LRRC7: variants seen among roughly 807,000 people sequenced by gnomAD.
LRRC7 encodes the protein leucine rich repeat containing 7.
Under a neutral mutation model 175.7 loss-of-function variants are expected in LRRC7, and 23 were observed. The observed-to-expected ratio is 0.13, with a 90% CI of 0.09 to 0.19. The LOEUF is 0.19. Among genes scored for constraint, LRRC7 ranks in the 10% least tolerant of loss-of-function variants. The pLI is 1.00. For missense variants in LRRC7, 1,354 were observed against 1,904.7 expected, an observed-to-expected ratio of 0.71 and a Z score of 5.38; for synonymous variants, 685 against 680.9, an observed-to-expected ratio of 1.01 and a Z score of -0.09.
chr1:69,910,216 C>T (rs573257015), intron 7 of LRRC7, among the ~76,000 whole-genome samples: 169 of 152,266 alleles, frequency 1.1e-3, no homozygotes, highest in African/African-American at 4.0e-3. Flanking sequence ...CAGCTTTGTT[C>T]CGTTGCTGGT....
rs72938936 is a variant in LRRC7 at position 69,665,375 on chromosome 1, A to G, written c.3-13006A>G. On this transcript the variant is annotated intron_variant, in intron 1 of 26. Coordinates refer to ENST00000651989, the MANE Select transcript of LRRC7 (RefSeq NM_001370785.2). ...AGTATTTTGATAAGGATTGCCTTAAATTTGTAGATTGCTTTGAGTAGTATG... is the reference window on the plus strand; with the variant it reads ...AGTATTTTGATAAGGATTGCCTTAAGTTTGTAGATTGCTTTGAGTAGTATG... 6.5e-3 allele frequency among the ~76,000 whole-genome samples: 990 copies of G among 152,226 alleles called. 4 individuals carry two copies. Among genetic ancestry groups the G allele is most frequent in the African/African-American group, 0.023 (937 of 41,548 alleles).
intron 1 of LRRC7, among the ~76,000 whole-genome samples, chr1:69,638,775 A>C (rs983387472): frequency 6.6e-6 from 1 of 151,826 alleles, no homozygotes; most frequent in African/African-American, 2.4e-5. Flanking sequence ...ATTCCACTTC[A>C]AGATTATTAT....
Position 69,609,188 on chromosome 1 carries a change from T to C in LRRC7, c.2+40547T>C, listed in dbSNP as rs1389123731. On this transcript the variant is annotated intron_variant, in intron 1 of 26. Coordinates refer to ENST00000651989, the MANE Select transcript of LRRC7 (RefSeq NM_001370785.2). ...CACAATTTGACCTTGGGCTAATTTG[T>C]TTATTACAGTTCTTAGAATATTGCT... Among the ~76,000 whole-genome samples, 8 of 151,704 alleles carry C rather than the reference T, an allele frequency of 5.3e-5. No individual in the cohort carries two copies. In the South Asian group the frequency reaches 1.0e-3, roughly 20 times the overall value.
intron 7 of LRRC7, among the ~76,000 whole-genome samples, chr1:69,870,496 A>G (rs1477330625): frequency 3.3e-5 from 5 of 152,106 alleles, no homozygotes; most frequent in African/African-American, 1.2e-4. Context: ...GTATAGAAAT[A>G]GGTGTATAGG....
intron 2 of LRRC7, among the ~76,000 whole-genome samples, chr1:69,681,423 T>C (rs1660476153): frequency 6.6e-6 from 1 of 152,182 alleles, no homozygotes; most frequent in Admixed American, 6.5e-5. Context: ...TTTTGCTAAA[T>C]AGTATACTTT....
chr1:70,117,576 AAAATT>A (rs1484481682), intron 26 of LRRC7, among the ~76,000 whole-genome samples: 7 of 152,326 alleles, frequency 4.6e-5, no homozygotes, highest in Admixed American at 1.3e-4. Context: ...TATCAAATAA[AAAATT>A]AAATAAAGGA....
chr1:69,577,938 G>T (rs957403961), intron 1 of LRRC7, among the ~76,000 whole-genome samples: 4 of 152,090 alleles, frequency 2.6e-5, no homozygotes, highest in Non-Finnish European at 4.4e-5. Context: ...TAGCTTGATG[G>T]GGATAGCATT....
intron 17 of LRRC7, among the ~76,000 whole-genome samples, chr1:70,026,640 G>C (rs1270036341): frequency 1.3e-5 from 2 of 151,648 alleles, no homozygotes; most frequent in Non-Finnish European, 2.9e-5. Flanking sequence ...TATTTTTGTA[G>C]CTATATTTCT....
At chr1:69,780,859 C>T (rs2101019518) in intron 3 of LRRC7, among the ~76,000 whole-genome samples, 1 of 152,276 alleles carries the variant, frequency 6.6e-6, no homozygotes, top group South Asian at 2.1e-4. Flanking sequence ...CATGTGCCTA[C>T]ATATGGCATC....
At chr1:69,696,243 C>T (rs2100677426) in intron 2 of LRRC7, among the ~76,000 whole-genome samples, 1 of 152,298 alleles carries the variant, frequency 6.6e-6, no homozygotes, top group East Asian at 1.9e-4. Flanking sequence ...GACATGGAGT[C>T]AAAGATTATT....
At chr1:69,632,549 C>T (rs1234539670) in intron 1 of LRRC7, among the ~76,000 whole-genome samples, 1 of 152,014 alleles carries the variant, frequency 6.6e-6, no homozygotes, top group Non-Finnish European at 1.5e-5. Flanking sequence ...TTCCCTTTAA[C>T]GTCTTTTAGT....
At chr1:70,077,002 T>C (rs1185320494) in intron 24 of LRRC7, among the ~76,000 whole-genome samples, 1 of 152,180 alleles carries the variant, frequency 6.6e-6, no homozygotes, top group African/African-American at 2.4e-5. Context: ...CTTAATACAC[T>C]TAAAATTAAT....
intron 1 of LRRC7, among the ~76,000 whole-genome samples, chr1:69,656,875 A>G (rs1289936062): frequency 6.6e-6 from 1 of 151,932 alleles, no homozygotes; most frequent in Non-Finnish European, 1.5e-5. Context: ...GAAATAAACA[A>G]TTTTAGCAAC....
intron 4 of LRRC7, among the ~76,000 whole-genome samples, chr1:69,801,208 A>G (rs1206324380): frequency 6.6e-6 from 1 of 151,776 alleles, no homozygotes; most frequent in Admixed American, 6.6e-5. Flanking sequence ...TGGCTTTGGT[A>G]TCAGGATAAT....
chr1:69,919,342 G>A, intron 7 of LRRC7: 1 of 598,192 alleles, frequency 1.7e-6, no homozygotes, highest in Admixed American at 2.9e-5. Context: ...AAAAACAAGA[G>A]CGTGAGGAGG....
intron 1 of LRRC7, among the ~76,000 whole-genome samples, chr1:69,582,827 T>A (rs1218705680): frequency 6.6e-6 from 1 of 152,212 alleles, no homozygotes; most frequent in Non-Finnish European, 1.5e-5. Flanking sequence ...CTGGCCAGCA[T>A]GCAAGTCTGT....
At chr1:69,933,540 C>T (rs1647608830) in intron 8 of LRRC7, among the ~76,000 whole-genome samples, 1 of 152,124 alleles carries the variant, frequency 6.6e-6, no homozygotes, top group Admixed American at 6.5e-5. Context: ...ACCTTTGGGT[C>T]TATAGCTCAC....
chr1:69,824,435 A>T (rs926218275), intron 4 of LRRC7, among the ~76,000 whole-genome samples: 12 of 152,166 alleles, frequency 7.9e-5, no homozygotes, highest in African/African-American at 2.7e-4. Flanking sequence ...CATTAAATTC[A>T]TACACAATGG....
chr1:69,646,475 A>G (rs961893810), intron 1 of LRRC7, among the ~76,000 whole-genome samples: 23 of 152,148 alleles, frequency 1.5e-4, no homozygotes, highest in African/African-American at 9.6e-5. Flanking sequence ...ACTTACCAAT[A>G]TTTGGCTTTG....
Sources: gnomAD v4.1 joint callset for allele counts (sites outside exome capture counted in the v4.1 genomes callset) on GRCh38, gnomAD v4.1.1 for gene constraint, MANE v1.5 for transcripts, NCBI Gene and HGNC (gene_info 2026-07-23, HGNC 2026-07-21) for gene names.